GTF3C1: variants seen among roughly 807,000 people sequenced by gnomAD.
GTF3C1 encodes the protein general transcription factor IIIC subunit 1, also known as general transcription factor 3C polypeptide 1.
GTF3C1 carries 57 observed loss-of-function variants against 226.7 expected under a neutral mutation model. That is an observed-to-expected ratio of 0.25 (90% CI 0.20 to 0.31). The LOEUF (loss-of-function observed/expected upper bound fraction) is 0.31. Ranked by LOEUF, GTF3C1 falls within the 10% of genes least tolerant of loss-of-function variation. The pLI, the probability that GTF3C1 is intolerant of heterozygous loss-of-function variation, is 1.00. For synonymous variants in GTF3C1, 1,090 were observed against 1,084.8 expected, an observed-to-expected ratio of 1.00 and a Z score of -0.09; for missense variants, 2,217 against 2,776.1, an observed-to-expected ratio of 0.80 and a Z score of 4.53.
At chr16:27,464,100 A>G (rs2087745496) in intron 34 of GTF3C1, 3 of 438,504 alleles carry the variant, frequency 6.8e-6, no homozygotes, top group Non-Finnish European at 1.2e-5. Flanking sequence ...TGGAACTCAC[A>G]GTGCTGCCTG....
At chr16:27,541,427 T>C (rs1203947630) in intron 2 of GTF3C1, among the ~76,000 whole-genome samples, 3 of 152,202 alleles carry the variant, frequency 2.0e-5, no homozygotes, top group Non-Finnish European at 4.4e-5. Context: ...AAACATGTAT[T>C]TCTAGAAGCC....
chr16:27,544,938 T>G (rs879587399), intron 2 of GTF3C1, among the ~76,000 whole-genome samples: 4 of 151,590 alleles, frequency 2.6e-5, no homozygotes, highest in Admixed American at 1.3e-4. Context: ...TGACTACACA[T>G]TCAAAGCACT....
Position 27,492,842 on chromosome 16 carries a change from C to A in GTF3C1, c.2877-129G>T. The A allele has an allele frequency of 1.5e-6, 1 of 674,796 alleles. No homozygotes were observed. Among genetic ancestry groups the A allele is most frequent in the Non-Finnish European group, 2.7e-6 (1 of 374,058 alleles). 41.8% of individuals were successfully genotyped at this position (674,796 alleles called of 1,614,324 possible). On this transcript the variant is annotated intron_variant, in intron 17 of 36. Transcript: ENST00000356183. This position sits in a 1 kb window ranked among gnomAD's most constrained non-coding sequence, Gnocchi z 5.0. ...CACCTGGTGGTCACTGGAGGACCAG[C>A]CTCAAGCCCACACTGCACTAAGGCC... is the stretch of plus-strand genomic sequence containing the variant.
chr16:27,543,495 AT>A (rs1363871065), intron 2 of GTF3C1, among the ~76,000 whole-genome samples: 3 of 152,178 alleles, frequency 2.0e-5, no homozygotes, highest in African/African-American at 7.2e-5. Context: ...GGCTCAAGCA[AT>A]CCCCCCATCG....
chr16:27,490,717 A>G (rs1453220152), intron 19 of GTF3C1, among the ~76,000 whole-genome samples: 1 of 152,258 alleles, frequency 6.6e-6, no homozygotes, highest in Non-Finnish European at 1.5e-5. Flanking sequence ...GGTAGGGCCC[A>G]GTAATCAGCA....
At chr16:27,472,054 A>ATGTGTGTGTCAGTGAGTG (rs2087880457) in intron 29 of GTF3C1, 134 bp from the exon 30 acceptor site, 2 of 705,842 alleles carry the variant, frequency 2.8e-6, no homozygotes, top group Non-Finnish European at 4.9e-6. Flanking sequence ...AGGCTGGCGT[A>ATGTGTGTGTCAGTGAGTG]TGTGTGTGTC....
chr16:27,486,496 G>A lies in GTF3C1; in HGVS notation c.3701-342C>T, dbSNP rs115485272. ...GGCATCTTGTACAGAAGCCTACAGT[G>A]CGTGCTCGGGGCGTACCCACCGAGT... is the stretch of plus-strand genomic sequence containing the variant. On this transcript the variant is annotated intron_variant, in intron 23 of 36. Coordinates refer to ENST00000356183, the MANE Select transcript of GTF3C1 (RefSeq NM_001520.4). 6.9e-3 allele frequency among the ~76,000 whole-genome samples: 1,043 copies of A among 152,252 alleles called. 15 individuals carry two copies. Among genetic ancestry groups the A allele is most frequent in the African/African-American group, 0.024 (1,000 of 41,554 alleles).
intron 1 of GTF3C1, 58 bp downstream of exon 1, chr16:27,549,612 A>C: frequency 1.2e-6 from 1 of 832,972 alleles, no homozygotes; most frequent in Non-Finnish European, 1.9e-6. Context: ...CCCCAGCTCC[A>C]TCAGCCCCCG....
Position 27,481,116 on chromosome 16 carries a change from G to A in GTF3C1, c.4159C>T (p.Leu1387Phe). 1.2e-6 allele frequency: 2 copies of A among 1,614,192 alleles called. No individual in the cohort carries two copies. Among genetic ancestry groups the A allele is most frequent in the Non-Finnish European group, 1.7e-6 (2 of 1,180,012 alleles). The change falls in exon 27 of 37, where the codon CTT becomes TTT. Residue 1387 changes from leucine (L) to phenylalanine (F), a missense_variant. Leu to Phe is a conservative substitution (Grantham distance 22). Transcript: ENST00000356183. ...TCCTGGAGTGTGTCTGGGATTTCAA[G>A]GTTAGAATTCCTTAGGGCTGAACTG... ...KFSSALRNSN[L>F]EIPDTLQELF...
At position 27,462,268 on chromosome 16, in the gene GTF3C1, C is replaced by A. The variant is rs778644679; in HGVS notation, c.6117+26G>T. The A allele has an allele frequency of 2.0e-6, 3 of 1,531,220 alleles. No individual in the cohort carries two copies. The East Asian group carries it at 7.4e-5, about 38-fold the overall frequency. 94.9% of individuals were successfully genotyped at this position (1,531,220 alleles called of 1,614,324 possible). A position where few individuals can be genotyped will look rare whatever the true frequency, so the allele number is the denominator to read the frequency against. ...GAGTGCACCCAGCCGCCTCCACACC[C>A]TGCTGAACCCAGGAAGGCCCCACAC... On this transcript the variant is annotated intron_variant, in intron 36 of 36. Coordinates refer to ENST00000356183, the MANE Select transcript of GTF3C1 (RefSeq NM_001520.4). The surrounding 1 kb of genome is among the most constrained non-coding windows in gnomAD (Gnocchi z 4.5).
chr16:27,513,190 C>T (rs1207202738), intron 6 of GTF3C1, among the ~76,000 whole-genome samples: 1 of 152,160 alleles, frequency 6.6e-6, no homozygotes, highest in Non-Finnish European at 1.5e-5. Flanking sequence ...TGGTGGCTCA[C>T]ATCTGTAATC....
chr16:27,509,675 G>A (rs954763262), intron 7 of GTF3C1, among the ~76,000 whole-genome samples: 3 of 150,210 alleles, frequency 2.0e-5, no homozygotes, highest in African/African-American at 7.4e-5. Flanking sequence ...GGAGAATGGC[G>A]TGAACTTGGG....
chr16:27,503,563 C>G (rs908848242), intron 10 of GTF3C1, among the ~76,000 whole-genome samples: 17 of 152,166 alleles, frequency 1.1e-4, no homozygotes, highest in Admixed American at 9.8e-4. Context: ...TAGAGCGGGG[C>G]TCTTGAGTTC....
Position 27,469,392 on chromosome 16 carries a change from C to T in GTF3C1, c.4973G>A (p.Ser1658Asn), listed in dbSNP as rs1362793801. The stretch of plus-strand genomic sequence containing the variant: ...GTCGTTGGGGTTGAGGTTGCGGGTG[C>T]TGACGATGCCGGGGGAGTAGTAGCC... ...MRGYYSPGIV[S>N]TRNLNPNDSI... Residue 1658 changes from serine to asparagine, a missense_variant, in exon 32 of 37, where the codon AGC (serine) becomes AAC (asparagine). Coordinates refer to ENST00000356183, the MANE Select transcript of GTF3C1 (RefSeq NM_001520.4). This position sits in a 1 kb window ranked among gnomAD's most constrained non-coding sequence, Gnocchi z 4.5. The T allele has an allele frequency of 1.2e-6, 2 of 1,613,310 alleles. No homozygotes were observed. Among genetic ancestry groups the T allele is most frequent in the Admixed American group, 1.7e-5 (1 of 59,808 alleles).
Position 27,462,088 on chromosome 16 carries a change from A to C in GTF3C1, c.6117+206T>G, listed in dbSNP as rs2087713854. On this transcript the variant is annotated intron_variant, in intron 36 of 36. Coordinates refer to ENST00000356183, the MANE Select transcript of GTF3C1 (RefSeq NM_001520.4). The surrounding 1 kb of genome is among the most constrained non-coding windows in gnomAD (Gnocchi z 4.5). ...CAGAGACAAGCACCCCGGGCACCCC[A>C]TCTTCCAGCCTGGTCAGCAGCATGG... The C allele has an allele frequency of 3.5e-6, 2 of 577,910 alleles. No individual in the cohort carries two copies. Among genetic ancestry groups the C allele is most frequent in the Non-Finnish European group, 6.2e-6 (2 of 323,604 alleles). The allele number at this position is 577,910 out of a possible 1,614,324, so 35.8% of individuals were successfully genotyped here.
At chr16:27,534,292 G>T (rs1225940826) in intron 4 of GTF3C1, among the ~76,000 whole-genome samples, 1 of 152,158 alleles carries the variant, frequency 6.6e-6, no homozygotes, top group Non-Finnish European at 1.5e-5. Flanking sequence ...AAACATTGAG[G>T]GCCCTTGACT....
rs763066291 is a variant in GTF3C1, at chr16:27,488,390, C to T, written c.3537G>A (p.Gly1179=). The T allele has an allele frequency of 1.2e-6, 2 of 1,613,034 alleles. No individual in the cohort carries two copies. The highest frequency in any genetic ancestry group is 2.2e-5 in the South Asian group (2 of 91,046). Residue 1179 remains glycine (G), a synonymous_variant, in exon 23 of 37, where the codon GGG becomes GGA. Coordinates refer to ENST00000356183, the MANE Select transcript of GTF3C1 (RefSeq NM_001520.4). ...AGAGCTCGGAGCCTACTCTTGCTTC[C>T]CCCCAAATATTCAACCTGCTGTTGC... ...ARGNSRLNIW[G]EARVGSELCA... is the part of the protein sequence containing the mutation.
At chr16:27,542,287 G>A (rs1253528182) in intron 2 of GTF3C1, among the ~76,000 whole-genome samples, 1 of 152,230 alleles carries the variant, frequency 6.6e-6, no homozygotes, top group African/African-American at 2.4e-5. Flanking sequence ...TATGCCGGGT[G>A]CAGTGGCCCA....
chr16:27,469,557 G>A lies in GTF3C1; in HGVS notation c.4815-7C>T, dbSNP rs2087835777. The stretch of plus-strand genomic sequence containing the variant: ...GCTGCCGTCCTTCCCCAAGCTAGAA[G>A]GGAATTGTGACCTGGATACCTGAGC... On this transcript the variant is annotated splice_polypyrimidine_tract_variant and splice_region_variant and intron_variant, in intron 31 of 36. Transcript: ENST00000356183. This position sits in a 1 kb window ranked among gnomAD's most constrained non-coding sequence, Gnocchi z 4.5. 2 of 1,606,654 alleles carry A rather than the reference G, an allele frequency of 1.2e-6. No individual in the cohort carries two copies. Among genetic ancestry groups the A allele is most frequent in the South Asian group, 1.1e-5 (1 of 90,756 alleles).
Sources: gnomAD v4.1 joint callset for allele counts (sites outside exome capture counted in the v4.1 genomes callset) on GRCh38, gnomAD v4.1.1 for gene constraint, Gnocchi (gnomAD v3.1) non-coding constraint, MANE v1.5 for transcripts, NCBI Gene and HGNC (gene_info 2026-07-23, HGNC 2026-07-21) for gene names.